The following COXFA4L3 variants were observed in gnomAD, a reference collection of about 807,000 sequenced individuals.
COXFA4L3 encodes cytochrome c oxidase associated subunit FA4L3.
At chr15:45,430,698 G>T in the COXFA4L3 span, 1 of 1,194,852 alleles carries the variant, frequency 8.4e-7, no homozygotes, top group East Asian at 2.4e-5. Context: ...CCGGCCCGCA[G>T]TTGGCCTGCG....
chr15:45,433,206 C>T, the COXFA4L3 span: 5 of 593,308 alleles, frequency 8.4e-6, no homozygotes, highest in South Asian at 1.1e-4. Context: ...AAAGTTTGTG[C>T]TTATTTTCTT....
the COXFA4L3 span, among the ~76,000 whole-genome samples, chr15:45,432,421 T>C: frequency 6.6e-6 from 1 of 152,320 alleles, no homozygotes; most frequent in African/African-American, 2.4e-5. Context: ...TGCCAACACT[T>C]TGGGAGGCCG....
chr15:45,430,708 G>C, the COXFA4L3 span: 2 of 1,320,250 alleles, frequency 1.5e-6, no homozygotes, highest in African/African-American at 2.9e-5. Context: ...GTTGGCCTGC[G>C]GAGCGCGGTG....
the COXFA4L3 span, chr15:45,430,998 T>C: frequency 6.2e-7 from 1 of 1,613,424 alleles, no homozygotes; most frequent in Non-Finnish European, 8.5e-7. Context: ...TGTTATTTGT[T>C]AGCTCATTCC....
the COXFA4L3 span, chr15:45,431,961 C>A: frequency 2.4e-6 from 2 of 838,828 alleles, no homozygotes; most frequent in East Asian, 2.6e-5. Context: ...CATTAGCAGA[C>A]ACATGCCTTA....
At chr15:45,430,961 G>C in the COXFA4L3 span, 1 of 1,591,876 alleles carries the variant, frequency 6.3e-7, no homozygotes, top group Admixed American at 1.7e-5. Context: ...GTTTCATATT[G>C]AAGTGTCCAA....
the COXFA4L3 span, among the ~76,000 whole-genome samples, chr15:45,431,553 C>A: frequency 6.6e-6 from 1 of 151,900 alleles, no homozygotes; most frequent in South Asian, 2.1e-4. Context: ...CTACGATGAA[C>A]CTAATCTCAA....
At chr15:45,430,930 T>C in the COXFA4L3 span, 27,602 of 1,565,000 alleles carry the variant, frequency 0.018, 3,711 homozygotes, top group African/African-American at 0.31. Flanking sequence ...ATAAATACAG[T>C]TGTTTTGCTG....
the COXFA4L3 span, chr15:45,432,116 C>T: frequency 1.2e-6 from 2 of 1,613,234 alleles, no homozygotes; most frequent in Non-Finnish European, 1.7e-6. Flanking sequence ...ACTGTGGACC[C>T]TACTGTACCT....
the COXFA4L3 span, chr15:45,432,250 C>A: frequency 1.3e-6 from 1 of 792,940 alleles, no homozygotes; most frequent in Non-Finnish European, 2.0e-6. Flanking sequence ...GTGCCTTCAT[C>A]GAGTAATTAA....
chr15:45,433,188 A>G, the COXFA4L3 span: 3 of 738,180 alleles, frequency 4.1e-6, no homozygotes, highest in South Asian at 2.9e-5. Flanking sequence ...CAATAACTGC[A>G]CTGTCTAAAA....
At chr15:45,433,337 C>T in the COXFA4L3 span, 1 of 267,038 alleles carries the variant, frequency 3.7e-6, no homozygotes, top group Admixed American at 4.9e-5. Context: ...CAAGATTTCT[C>T]AAAGATTAGG....
the COXFA4L3 span, among the ~76,000 whole-genome samples, chr15:45,432,572 C>G: frequency 2.0e-5 from 3 of 152,070 alleles, no homozygotes; most frequent in Admixed American, 2.0e-4. Flanking sequence ...GGCTGAGGCA[C>G]GAAAATTGCT....
the COXFA4L3 span, chr15:45,431,089 A>G: frequency 6.2e-7 from 1 of 1,610,622 alleles, no homozygotes. Context: ...GATGTGATGT[A>G]AGTAGGTCTC....
chr15:45,432,912 A>G, the COXFA4L3 span: 1 of 1,562,810 alleles, frequency 6.4e-7, no homozygotes, highest in East Asian at 2.2e-5. Flanking sequence ...CAAATTTTTA[A>G]CAAAAGGTTT....
the COXFA4L3 span, chr15:45,430,897 A>G: frequency 6.4e-7 from 1 of 1,570,804 alleles, no homozygotes; most frequent in Non-Finnish European, 8.7e-7. Context: ...AAAAGATGGC[A>G]CAGATTTTGA....
the COXFA4L3 span, among the ~76,000 whole-genome samples, chr15:45,432,444 C>T: frequency 5.3e-5 from 8 of 152,214 alleles, no homozygotes; most frequent in Non-Finnish European, 1.0e-4. Flanking sequence ...GCGGGTGGAT[C>T]ACTTGAAGTC....
the COXFA4L3 span, chr15:45,432,148 A>G: frequency 6.2e-7 from 1 of 1,608,722 alleles, no homozygotes; most frequent in African/African-American, 1.3e-5. Context: ...GTTAAATTAA[A>G]AACAAATGAT....
the COXFA4L3 span, chr15:45,431,148 A>C: frequency 7.0e-7 from 1 of 1,432,700 alleles, no homozygotes; most frequent in East Asian, 2.3e-5. Flanking sequence ...TTAGTTTATG[A>C]AATGTATAAG....
Sources: allele counts gnomAD v4.1 joint callset (sites outside exome capture counted in the v4.1 genomes callset), GRCh38; gene constraint gnomAD v4.1.1; transcripts MANE v1.5; gene names NCBI Gene and HGNC (gene_info 2026-07-23, HGNC 2026-07-21).